CHN1: variants seen among roughly 807,000 people sequenced by gnomAD.
CHN1 encodes the protein chimerin 1.
A neutral mutation model predicts 59.5 loss-of-function variants in CHN1; 37 were observed. The observed-to-expected ratio is 0.62, with a 90% CI of 0.48 to 0.82. The LOEUF (loss-of-function observed/expected upper bound fraction) is 0.82, where lower values mean the gene tolerates loss of function less well. Among genes scored for constraint, CHN1 ranks in the 40% least tolerant of loss-of-function variants. CHN1 has a pLI of 0.00. For synonymous variants in CHN1, 206 were observed against 200.4 expected (o/e 1.03, Z -0.24); for missense variants, 469 against 571.0 (o/e 0.82, Z 1.82).
At chr2:174,953,823 C>T (rs1284429478) in intron 1 of CHN1, among the ~76,000 whole-genome samples, 1 of 152,182 alleles carries the variant, frequency 6.6e-6, no homozygotes, top group African/African-American at 2.4e-5. Context: ...ACATCCCATG[C>T]TCACGGATGC....
intron 4 of CHN1, 63 bp from the exon 5 acceptor site, chr2:174,915,234 C>G: frequency 8.3e-7 from 1 of 1,202,774 alleles, no homozygotes; most frequent in South Asian, 1.3e-5. Flanking sequence ...CAAGATAAAA[C>G]AACGTCCCAC....
chr2:174,847,262 G>A (rs1418120486), intron 6 of CHN1: 5 of 1,387,582 alleles, frequency 3.6e-6, no homozygotes, highest in East Asian at 2.6e-5. Flanking sequence ...GAAACACCAC[G>A]GAGAGGTGGA....
chr2:174,975,096 T>C (rs561340032), intron 1 of CHN1, among the ~76,000 whole-genome samples: 1 of 152,304 alleles, frequency 6.6e-6, no homozygotes, highest in African/African-American at 2.4e-5. Flanking sequence ...AACAACTGCA[T>C]ATTATTAACT....
chr2:174,898,990 T>G (rs937569380), intron 5 of CHN1, among the ~76,000 whole-genome samples: 2 of 152,208 alleles, frequency 1.3e-5, no homozygotes, highest in African/African-American at 4.8e-5. Flanking sequence ...AGATTGGGCT[T>G]GCTTAGAAAA....
At chr2:174,874,089 C>T (rs959400535) in intron 6 of CHN1, among the ~76,000 whole-genome samples, 1 of 152,122 alleles carries the variant, frequency 6.6e-6, no homozygotes, top group Non-Finnish European at 1.5e-5. Context: ...ATATTATTAA[C>T]AATTATGTGA....
chr2:174,902,682 A>G (rs946517568), intron 5 of CHN1, among the ~76,000 whole-genome samples: 5 of 152,334 alleles, frequency 3.3e-5, no homozygotes, highest in Middle Eastern at 3.4e-3. Flanking sequence ...TGAACCTATC[A>G]TGAGCTATCA....
intron 3 of CHN1, among the ~76,000 whole-genome samples, chr2:174,934,535 C>A (rs1279915676): frequency 2.6e-5 from 4 of 152,156 alleles, no homozygotes; most frequent in Non-Finnish European, 5.9e-5. Flanking sequence ...GTCTGTGGCA[C>A]AGGGGCCGGG....
intron 2 of CHN1, among the ~76,000 whole-genome samples, chr2:174,950,621 A>C (rs920598033): frequency 6.6e-6 from 1 of 152,140 alleles, no homozygotes; most frequent in African/African-American, 2.4e-5. Context: ...AGTTGCATAT[A>C]CTACATTTAC....
chr2:174,868,598 C>T (rs1290122252), intron 6 of CHN1, among the ~76,000 whole-genome samples: 2 of 152,156 alleles, frequency 1.3e-5, no homozygotes, highest in African/African-American at 4.8e-5. Flanking sequence ...TAGTAACATT[C>T]CTCAAACAAT....
At chr2:174,944,729 GAGA>G (rs1177687015) in intron 3 of CHN1, among the ~76,000 whole-genome samples, 156 bp downstream of exon 3, 4 of 152,186 alleles carry the variant, frequency 2.6e-5, no homozygotes, top group Admixed American at 6.6e-5. Context: ...TAAATCAAAT[GAGA>G]AGGATATTAA....
intron 8 of CHN1, among the ~76,000 whole-genome samples, chr2:174,823,650 G>A (rs1425523963): frequency 6.6e-6 from 1 of 150,908 alleles, no homozygotes; most frequent in Non-Finnish European, 1.5e-5. Context: ...GAGACAGAGT[G>A]AGACTCTGTC....
intron 1 of CHN1, among the ~76,000 whole-genome samples, chr2:174,996,946 C>A (rs1161322234): frequency 6.6e-6 from 1 of 152,146 alleles, no homozygotes. Flanking sequence ...TGAGGCCTAC[C>A]CCCTCTCCCC....
intron 1 of CHN1, among the ~76,000 whole-genome samples, chr2:174,970,803 A>T (rs1690734938): frequency 6.6e-6 from 1 of 152,208 alleles, no homozygotes; most frequent in Admixed American, 6.5e-5. Flanking sequence ...TTAGTGTAGT[A>T]TCAAAGAAAG....
chr2:174,972,115 T>C (rs3771917), intron 1 of CHN1, among the ~76,000 whole-genome samples: 46,108 of 152,118 alleles, frequency 0.3, 8,716 homozygotes, highest in Admixed American at 0.45. Context: ...GTATCCCTTA[T>C]GGTCAGGTTC....
At chr2:174,946,692 T>C (rs908586726) in intron 2 of CHN1, among the ~76,000 whole-genome samples, 2 of 152,070 alleles carry the variant, frequency 1.3e-5, no homozygotes, top group East Asian at 1.9e-4. Flanking sequence ...TAATGAAAAG[T>C]ACATGTGTAT....
chr2:174,883,177 A>C (rs1687786443), intron 5 of CHN1, among the ~76,000 whole-genome samples: 1 of 152,190 alleles, frequency 6.6e-6, no homozygotes, highest in Non-Finnish European at 1.5e-5. Context: ...GATTAACTCG[A>C]AGTCCGTTTA....
chr2:174,969,975 A>G (rs1690710413), intron 1 of CHN1, among the ~76,000 whole-genome samples: 4 of 152,198 alleles, frequency 2.6e-5, no homozygotes. Flanking sequence ...CACTACACTG[A>G]CATTTGTACT....
At chr2:174,949,246 AT>A (rs1256673518) in intron 2 of CHN1, among the ~76,000 whole-genome samples, 12 of 152,118 alleles carry the variant, frequency 7.9e-5, no homozygotes, top group Non-Finnish European at 8.8e-5. Flanking sequence ...ACTTAATCAC[AT>A]TTTTTTCTAA....
chr2:174,831,970 T>C (rs556113518), intron 7 of CHN1, among the ~76,000 whole-genome samples: 1 of 152,168 alleles, frequency 6.6e-6, no homozygotes, highest in Non-Finnish European at 1.5e-5. Flanking sequence ...AAAATCTCTA[T>C]ACCTACATTA....
Sources: gnomAD v4.1 joint callset for allele counts (sites outside exome capture counted in the v4.1 genomes callset) on GRCh38, gnomAD v4.1.1 for gene constraint, MANE v1.5 for transcripts, NCBI Gene and HGNC (gene_info 2026-07-23, HGNC 2026-07-21) for gene names.